Variants in MAP3K7CL observed in about 807,000 individuals in gnomAD.
MAP3K7CL encodes MAP3K7 C-terminal like, also known as MAP3K7 C-terminal-like protein.
MAP3K7CL carries 16 observed loss-of-function variants against 18.6 expected under a neutral mutation model. The ratio of observed to expected loss-of-function variants is 0.86; its 90% CI spans 0.58 to 1.31. The LOEUF is 1.31. MAP3K7CL is among the 50% of genes most tolerant of loss of function. The probability of loss-of-function intolerance (pLI) is 0.00; values close to 1 mark genes in which losing one functional copy is unlikely to be tolerated. For synonymous variants in MAP3K7CL, 65 were observed against 66.8 expected (o/e 0.97, Z 0.13); for missense variants, 163 against 174.4 (o/e 0.93, Z 0.37).
At chr21:29,085,846 A>C, upstream of MAP3K7CL, 1 of 1,614,076 alleles carries the variant, frequency 6.2e-7, no homozygotes, top group Non-Finnish European at 8.5e-7. Context: ...AATTACTGTC[A>C]TGCAAAGCGA....
At chr21:29,085,023 T>A (rs1290591794), upstream of MAP3K7CL, 1 of 152,120 alleles carries the variant, frequency 6.6e-6, no homozygotes, top group Non-Finnish European at 1.5e-5. Context: ...AAAAAAAAAG[T>A]CAGCAAGGAA....
intron 4 of MAP3K7CL, among the ~76,000 whole-genome samples, chr21:29,103,574 A>G (rs2086269777): frequency 6.6e-6 from 1 of 152,106 alleles, no homozygotes; most frequent in African/African-American, 2.4e-5. Context: ...CTCTACTAAA[A>G]GTACAAAAGA....
chr21:29,077,164 G>A (rs1443781480), upstream of MAP3K7CL, among the ~76,000 whole-genome samples: 1 of 152,254 alleles, frequency 6.6e-6, no homozygotes, highest in East Asian at 1.9e-4. Flanking sequence ...GCTACAGGTG[G>A]AGCTGCTTGC....
At chr21:29,173,322 A>G (rs1027271941) in intron 4 of MAP3K7CL, among the ~76,000 whole-genome samples, 3 of 152,174 alleles carry the variant, frequency 2.0e-5, no homozygotes, top group Non-Finnish European at 4.4e-5. Context: ...CTTTATGTAG[A>G]TCTTCTTTTA....
At chr21:29,081,009 T>G (rs1324880654), upstream of MAP3K7CL, among the ~76,000 whole-genome samples, 2 of 152,122 alleles carry the variant, frequency 1.3e-5, no homozygotes, top group Non-Finnish European at 2.9e-5. Flanking sequence ...TTAAAATTAA[T>G]TATTGTGGCT....
chr21:29,150,100 C>A (rs542322021), intron 3 of MAP3K7CL, among the ~76,000 whole-genome samples: 4 of 152,312 alleles, frequency 2.6e-5, no homozygotes, highest in Admixed American at 6.5e-5. Flanking sequence ...TCCCAACAGG[C>A]CCTGACATAC....
chr21:29,147,013 C>T (rs1255906560), intron 2 of MAP3K7CL, among the ~76,000 whole-genome samples: 1 of 152,110 alleles, frequency 6.6e-6, no homozygotes, highest in African/African-American at 2.4e-5. Flanking sequence ...ATGTCACTTC[C>T]TCTAGTTCAA....
chr21:29,129,901 A>T (rs2086747199), upstream of MAP3K7CL, among the ~76,000 whole-genome samples: 1 of 152,204 alleles, frequency 6.6e-6, no homozygotes, highest in African/African-American at 2.4e-5. Context: ...TTCCCTAATG[A>T]CATATGATGT....
chr21:29,144,070 G>A (rs751703082), intron 2 of MAP3K7CL, among the ~76,000 whole-genome samples: 4 of 151,974 alleles, frequency 2.6e-5, no homozygotes, highest in Non-Finnish European at 5.9e-5. Flanking sequence ...AATGATATCC[G>A]GTGGTCATTT....
At chr21:29,088,715 AGTGTGTGTGCAT>A (rs1164710527) in intron 1 of MAP3K7CL, among the ~76,000 whole-genome samples, 3 of 152,276 alleles carry the variant, frequency 2.0e-5, no homozygotes, top group African/African-American at 7.2e-5. Context: ...GACACAGGAA[AGTGTGTGTGCAT>A]GTGTGTGTGT....
intron 4 of MAP3K7CL, among the ~76,000 whole-genome samples, chr21:29,093,933 G>A (rs1245421773): frequency 6.6e-6 from 1 of 152,210 alleles, no homozygotes; most frequent in Non-Finnish European, 1.5e-5. Context: ...ATTACTGTGG[G>A]GAGCAAATGA....
chr21:29,155,367 ATT>A (rs1387423104), intron 3 of MAP3K7CL, among the ~76,000 whole-genome samples: 1 of 152,192 alleles, frequency 6.6e-6, no homozygotes, highest in East Asian at 1.9e-4. Context: ...GGAAAATTAA[ATT>A]CTGACATTTT....
intron 2 of MAP3K7CL, among the ~76,000 whole-genome samples, chr21:29,147,685 T>G (rs1393515482): frequency 6.6e-6 from 1 of 151,780 alleles, no homozygotes; most frequent in Non-Finnish European, 1.5e-5. Context: ...CTATTGTATA[T>G]GTATGTGTAT....
chr21:29,095,636 G>A (rs2086109667), intron 4 of MAP3K7CL, among the ~76,000 whole-genome samples: 1 of 152,214 alleles, frequency 6.6e-6, no homozygotes, highest in Non-Finnish European at 1.5e-5. Flanking sequence ...GAATACAAAT[G>A]TTGTAGCACA....
At chr21:29,109,698 T>C in intron 4 of MAP3K7CL, 1 of 987,276 alleles carries the variant, frequency 1.0e-6, no homozygotes, top group Non-Finnish European at 1.2e-6. Context: ...CTCGGCTCAC[T>C]GCAACCTTAT....
At chr21:29,141,482 C>T (rs558109036) in intron 2 of MAP3K7CL, among the ~76,000 whole-genome samples, 28 of 150,768 alleles carry the variant, frequency 1.9e-4, no homozygotes, top group African/African-American at 6.6e-4. Context: ...CACTGCACTC[C>T]AGCCTGGGTG....
In MAP3K7CL at chr21:29,106,931, G is replaced by T. The variant is rs79865221; in HGVS notation, c.370+14350G>T. The stretch of plus-strand genomic sequence containing the variant: ...TCCAATTCTGTCCAAGCTGCGGCTT[G>T]TTGGGGAAGAAAGAAGGCAGGCCTG... On this transcript the variant is annotated intron_variant, in intron 4 of 6. Coordinates refer to the MAP3K7CL transcript ENST00000286791. 8.1e-3 allele frequency among the ~76,000 whole-genome samples: 1,233 copies of T among 152,316 alleles called. 14 individuals carry two copies. Among genetic ancestry groups the T allele is most frequent in the African/African-American group, 0.028 (1,151 of 41,574 alleles).
chr21:29,082,701 G>A (rs2085855952), upstream of MAP3K7CL, among the ~76,000 whole-genome samples: 1 of 152,178 alleles, frequency 6.6e-6, no homozygotes, highest in African/African-American at 2.4e-5. Flanking sequence ...AGTATCAAAG[G>A]CTGTAGATAC....
rs139280711 is a variant in MAP3K7CL, at chr21:29,086,116, G to A, written c.57+199G>A. 2.8e-3 allele frequency among the ~76,000 whole-genome samples: 429 copies of A among 152,236 alleles called. 2 individuals carry two copies. The highest frequency in any genetic ancestry group is 9.8e-3 in the African/African-American group (406 of 41,540). ...GTGCTGATTGAAACTCTGGGACACC[G>A]GTTCTTTCCCTTAATACAAAACCAA... On this transcript the variant is annotated intron_variant, in intron 1 of 6. Coordinates refer to the MAP3K7CL transcript ENST00000286791.
Sources: allele counts gnomAD v4.1 joint callset (sites outside exome capture counted in the v4.1 genomes callset), GRCh38; gene constraint gnomAD v4.1.1; transcripts MANE v1.5; gene names NCBI Gene and HGNC (gene_info 2026-07-23, HGNC 2026-07-21).